GPAM: variants seen among roughly 807,000 people sequenced by gnomAD.
GPAM encodes the protein glycerol-3-phosphate acyltransferase 1, mitochondrial.
A neutral mutation model predicts 105.0 loss-of-function variants in GPAM; 56 were observed. That is an observed-to-expected ratio of 0.53 (90% CI 0.43 to 0.67). GPAM has a LOEUF of 0.67. GPAM is among the 30% of genes least tolerant of loss of function. The pLI, the probability that GPAM is intolerant of heterozygous loss-of-function variation, is 0.00. For synonymous variants in GPAM, 368 were observed against 354.4 expected (o/e 1.04, Z -0.43); for missense variants, 855 against 989.8 (o/e 0.86, Z 1.83).
intron 9 of GPAM, among the ~76,000 whole-genome samples, chr10:112,170,746 C>T (rs903837718): frequency 1.3e-5 from 2 of 152,222 alleles, no homozygotes; most frequent in African/African-American, 4.8e-5. Flanking sequence ...AATCATATCA[C>T]ACGCTATTAC....
intron 9 of GPAM, among the ~76,000 whole-genome samples, chr10:112,169,409 G>C (rs1847275478): frequency 6.6e-6 from 1 of 152,138 alleles, no homozygotes; most frequent in Non-Finnish European, 1.5e-5. Context: ...AATAATTATT[G>C]TTTACAGAGG....
At position 112,175,706 on chromosome 10, in the gene GPAM, C is replaced by T. The variant is rs368640883; in HGVS notation, c.307G>A (p.Gly103Arg). 31 of 1,603,948 alleles carry T rather than the reference C, an allele frequency of 1.9e-5. No homozygotes were observed. The highest frequency in any genetic ancestry group is 1.9e-4 in the African/African-American group (14 of 74,820). Residue 103 changes from glycine to arginine, a missense_variant, in exon 6 of 22, where the codon GGA (glycine) becomes AGA (arginine). Gly to Arg is a moderately radical substitution (Grantham distance 125). Transcript: ENST00000348367. Reference protein sequence around the residue: ...YINETHTRHRGWLARRLSYVL... With the variant: ...YINETHTRHRRWLARRLSYVL... ...TAAGAAAGGCGTCTTGCAAGCCATC[C>T]GCGGTGTCTGTGAAAATGATTTAGC...
chr10:112,158,831 G>A (rs1847066863), intron 17 of GPAM, among the ~76,000 whole-genome samples: 1 of 152,152 alleles, frequency 6.6e-6, no homozygotes, highest in Non-Finnish European at 1.5e-5. Context: ...ATAAATACCA[G>A]AGAAAGGACA....
chr10:112,194,202 T>G (rs1324232415), intron 1 of GPAM, among the ~76,000 whole-genome samples: 1 of 152,234 alleles, frequency 6.6e-6, no homozygotes, highest in Non-Finnish European at 1.5e-5. Flanking sequence ...ACACTGGCTC[T>G]TAATCCGCTT....
chr10:112,198,591 C>T (rs1023050075), intron 1 of GPAM, among the ~76,000 whole-genome samples: 1 of 152,116 alleles, frequency 6.6e-6, no homozygotes, highest in Non-Finnish European at 1.5e-5. Context: ...TGCAGTACAG[C>T]TATTATGGAA....
Position 112,160,011 on chromosome 10 carries a change from C to A in GPAM, c.1802G>T (p.Gly601Val). The A allele has an allele frequency of 1.9e-6, 3 of 1,612,166 alleles. No individual in the cohort carries two copies. The highest frequency in any genetic ancestry group is 1.1e-5 in the South Asian group (1 of 91,038). The change falls in exon 17 of 22, where the codon GGT (glycine) becomes GTT (valine). Residue 601 changes from glycine (G) to valine (V), a missense_variant. Coordinates refer to ENST00000348367, the MANE Select transcript of GPAM (RefSeq NM_001244949.2). ...CAGGTTAGGTGGGGTGCTAGTGGGA[C>A]CCCCCAGTCCCCTCTTGTTCAGAAC... The part of the protein sequence containing the change: ...YAVLNKRGLG[G>V]PTSTPPNLIS...
At chr10:112,204,697 A>C (rs1847839792) in intron 1 of GPAM, among the ~76,000 whole-genome samples, 1 of 152,052 alleles carries the variant, frequency 6.6e-6, no homozygotes, top group South Asian at 2.1e-4. Flanking sequence ...CATGCAATAA[A>C]TAAACTTCTC....
Position 112,150,097 on chromosome 10 carries a change from A to G in GPAM, c.*3453T>C, listed in dbSNP as rs933998269. On this transcript the variant is annotated 3_prime_UTR_variant, in exon 22 of 22. Transcript: ENST00000348367. ...ATTTCAGAGCTCTAGACGTTTAGAA[A>G]TAAGGTCAAGAATCTCTTTCAAATG... 2 of 983,782 alleles carry G rather than the reference A, an allele frequency of 2.0e-6. No homozygotes were observed. Among genetic ancestry groups the G allele is most frequent in the East Asian group, 2.3e-4 (2 of 8,814 alleles). 60.9% of individuals were successfully genotyped at this position (983,782 alleles called of 1,614,324 possible). A position where few individuals can be genotyped will look rare whatever the true frequency, so the allele number is the denominator to read the frequency against.
upstream of GPAM, among the ~76,000 whole-genome samples, chr10:112,215,780 C>T (rs1205627771): frequency 6.6e-6 from 1 of 152,114 alleles, no homozygotes; most frequent in South Asian, 2.1e-4. Context: ...ATGGGGTGAG[C>T]CTATTTGACA....
chr10:112,174,563 G>A (rs1847370292), intron 6 of GPAM, among the ~76,000 whole-genome samples: 1 of 152,174 alleles, frequency 6.6e-6, no homozygotes, highest in African/African-American at 2.4e-5. Context: ...GTACTTGAAG[G>A]TTTTAACAAG....
In GPAM at chr10:112,170,806, T is replaced by TCC. The variant is rs1384490087; in HGVS notation, c.794+1375_794+1376insGG. ...CATTAAGCTATGTGAAGGCAAGGACTATATATTTTGTTCTCTCTTGTCTAA... is the reference window on the plus strand; with the variant it reads ...CATTAAGCTATGTGAAGGCAAGGACTCCATATATTTTGTTCTCTCTTGTCTAA... On this transcript the variant is annotated intron_variant, in intron 9 of 21. Transcript: ENST00000348367. Among the ~76,000 whole-genome samples the TCC allele has an allele frequency of 1.5e-3, 231 of 152,360 alleles. 1 individual carries two copies. The highest frequency in any genetic ancestry group is 5.0e-3 in the African/African-American group (208 of 41,588).
chr10:112,192,692 G>A (rs962508155), intron 1 of GPAM, among the ~76,000 whole-genome samples: 4 of 152,226 alleles, frequency 2.6e-5, no homozygotes, highest in Non-Finnish European at 4.4e-5. Flanking sequence ...TGGGAACACA[G>A]GCCGACCAGG....
chr10:112,161,652 A>G lies in GPAM; in HGVS notation c.1494+15T>C. On this transcript the variant is annotated intron_variant, in intron 15 of 21. Coordinates refer to ENST00000348367, the MANE Select transcript of GPAM (RefSeq NM_001244949.2). ...CCTGCTTCCTACTTAACTGCAGGTGACATTGCAGACATACCTGCCTGTGTC... is the reference window on the plus strand; with the variant it reads ...CCTGCTTCCTACTTAACTGCAGGTGGCATTGCAGACATACCTGCCTGTGTC... 1.9e-6 allele frequency: 3 copies of G among 1,599,342 alleles called. No individual in the cohort carries two copies. Among genetic ancestry groups the G allele is most frequent in the Non-Finnish European group, 2.6e-6 (3 of 1,166,722 alleles).
At chr10:112,218,877 A>G (rs1847995525), upstream of GPAM, among the ~76,000 whole-genome samples, 1 of 152,212 alleles carries the variant, frequency 6.6e-6, no homozygotes, top group Non-Finnish European at 1.5e-5. Flanking sequence ...TAATTAATAC[A>G]TAATGAGCAG....
Position 112,153,203 on chromosome 10 carries a change from A to T in GPAM, c.*347T>A. 1 of 1,135,066 alleles carries T rather than the reference A, an allele frequency of 8.8e-7. No individual in the cohort carries two copies. The allele number at this position is 1,135,066 out of a possible 1,614,324, so 70.3% of individuals were successfully genotyped here. A position where few individuals can be genotyped will look rare whatever the true frequency, so the allele number is the denominator to read the frequency against. On this transcript the variant is annotated 3_prime_UTR_variant, in exon 22 of 22. Transcript: ENST00000348367. ...TAAGATTCAGTTCCAGAACACAGCT[A>T]CATTTCTGTGTCCATCACAGTAATT...
chr10:112,191,187 T>C (rs1195136704), intron 1 of GPAM, among the ~76,000 whole-genome samples: 1 of 152,192 alleles, frequency 6.6e-6, no homozygotes, highest in African/African-American at 2.4e-5. Context: ...CAGGTCCAAC[T>C]CGGACAGCCT....
intron 19 of GPAM, chr10:112,156,972 G>A: frequency 1.7e-6 from 1 of 587,464 alleles, no homozygotes. Context: ...GCAGGTGTAG[G>A]TAAACAGGTA....
chr10:112,189,587 A>G (rs61872281), intron 1 of GPAM, among the ~76,000 whole-genome samples: 18,645 of 152,158 alleles, frequency 0.12, 1,221 homozygotes, highest in South Asian at 0.2. Flanking sequence ...GAATGAATCA[A>G]GGTATCTAAG....
At chr10:112,214,643 A>G (rs77395708) in intron 1 of GPAM, among the ~76,000 whole-genome samples, 2,242 of 152,302 alleles carry the variant, frequency 0.015, 63 homozygotes, top group African/African-American at 0.051. Flanking sequence ...TGGGAATCAA[A>G]CTTTCATAAA....
Sources: allele counts gnomAD v4.1 joint callset (sites outside exome capture counted in the v4.1 genomes callset), GRCh38; gene constraint gnomAD v4.1.1; transcripts MANE v1.5; gene names NCBI Gene and HGNC (gene_info 2026-07-23, HGNC 2026-07-21).